The following SHANK1 variants were observed in gnomAD, a reference collection of about 807,000 sequenced individuals.
The protein encoded by SHANK1 is SH3 and multiple ankyrin repeat domains protein 1.
A neutral mutation model predicts 165.6 loss-of-function variants in SHANK1; 35 were observed. The ratio of observed to expected loss-of-function variants is 0.21; its 90% CI spans 0.16 to 0.28. The LOEUF is 0.28. Ranked by LOEUF, SHANK1 falls within the 10% of genes least tolerant of loss-of-function variation. SHANK1 has a pLI of 1.00. For synonymous variants in SHANK1, 1,428 were observed against 1,384.8 expected, an observed-to-expected ratio of 1.03 and a Z score of -0.69; for missense variants, 2,681 against 3,036.4, an observed-to-expected ratio of 0.88 and a Z score of 2.75.
At chr19:50,701,409 T>C (rs1986911781) in intron 12 of SHANK1, among the ~76,000 whole-genome samples, 1 of 151,102 alleles carries the variant, frequency 6.6e-6, no homozygotes. Context: ...GCCAGGCTGG[T>C]CTCAAACTCC....
At chr19:50,711,893 G>A in intron 7 of SHANK1, 54 bp downstream of exon 7, 1 of 1,596,210 alleles carries the variant, frequency 6.3e-7, no homozygotes, top group Admixed American at 1.7e-5. Context: ...CCCCTTGGAT[G>A]CCTCAGGGAC....
At chr19:50,712,689 G>A (rs1363832618) in intron 6 of SHANK1, among the ~76,000 whole-genome samples, 1 of 152,186 alleles carries the variant, frequency 6.6e-6, no homozygotes, top group African/African-American at 2.4e-5. Flanking sequence ...AACATTAATA[G>A]GAGAAAGTCT....
chr19:50,712,712 C>T (rs952274286), intron 6 of SHANK1, among the ~76,000 whole-genome samples: 2 of 152,196 alleles, frequency 1.3e-5, no homozygotes, highest in Admixed American at 6.5e-5. Flanking sequence ...GCAGCAACCT[C>T]GTGTGAGGAC....
At chr19:50,712,722 C>T (rs939718501) in intron 6 of SHANK1, among the ~76,000 whole-genome samples, 31 of 152,196 alleles carry the variant, frequency 2.0e-4, no homozygotes, top group African/African-American at 7.0e-4. Context: ...CGTGTGAGGA[C>T]AGCCTGTAGC....
Position 50,688,141 on chromosome 19 carries a change from T to C in SHANK1, c.2173-83A>G. 6.5e-7 allele frequency: 1 copy of C among 1,531,502 alleles called. No individual in the cohort carries two copies. The highest frequency in any genetic ancestry group is 1.4e-5 in the African/African-American group (1 of 73,650). 94.9% of individuals were successfully genotyped at this position (1,531,502 alleles called of 1,614,324 possible). A position where few individuals can be genotyped will look rare whatever the true frequency, so the allele number is the denominator to read the frequency against. ...CTTCAGAGACCCCAAGGAGGATGCC[T>C]CCTGCGCTGCCCTGTCCATGGCCCT... On this transcript the variant is annotated intron_variant, in intron 17 of 23. Coordinates refer to ENST00000293441, the MANE Select transcript of SHANK1 (RefSeq NM_016148.5). This position sits in a 1 kb window ranked among gnomAD's most constrained non-coding sequence, Gnocchi z 6.7.
At chr19:50,719,203 G>A (rs2089105374) in intron 1 of SHANK1, among the ~76,000 whole-genome samples, 1 of 150,976 alleles carries the variant, frequency 6.6e-6, no homozygotes, top group Admixed American at 6.6e-5. Flanking sequence ...TCAAGGATGC[G>A]ATCTGGGACG....
intron 7 of SHANK1, 116 bp downstream of exon 7, chr19:50,711,831 A>T: frequency 8.5e-7 from 1 of 1,181,926 alleles, no homozygotes; most frequent in Non-Finnish European, 1.2e-6. Context: ...GGACCATGTT[A>T]TTCTCACCCC....
Position 50,704,105 on chromosome 19 carries a change from CT to C in SHANK1, c.1222+14del, listed in dbSNP as rs761848672. 1 of 1,613,556 alleles carries C rather than the reference CT, an allele frequency of 6.2e-7. No homozygotes were observed. Among genetic ancestry groups the C allele is most frequent in the Admixed American group, 1.7e-5 (1 of 59,968 alleles). ...CCCCAGGTTCTCTGTGCAGTCCGAGCTCCCTGTCACTCACCCACATCCTGTT... is the reference window on the plus strand; with the variant it reads ...CCCCAGGTTCTCTGTGCAGTCCGAGCCCCTGTCACTCACCCACATCCTGTT... On this transcript the variant is annotated intron_variant, in intron 10 of 23. Transcript: ENST00000293441.
chr19:50,703,352 A>G lies in SHANK1; in HGVS notation c.1553+148T>C, dbSNP rs531401834. 1.1e-3 allele frequency: 738 copies of G among 659,648 alleles called. 8 individuals carry two copies. In the South Asian group the frequency reaches 0.014, roughly 12 times the overall value. The allele number at this position is 659,648 out of a possible 1,614,324, so 40.9% of individuals were successfully genotyped here. A position where few individuals can be genotyped will look rare whatever the true frequency, so the allele number is the denominator to read the frequency against. On this transcript the variant is annotated intron_variant, in intron 11 of 23. Coordinates refer to ENST00000293441, the MANE Select transcript of SHANK1 (RefSeq NM_016148.5). ...GGGTGGAGTCGGGACAGTAGCTCCC[A>G]AGGCCTTGCTTTACCCCAAGGTGAC...
intron 15 of SHANK1, among the ~76,000 whole-genome samples, chr19:50,694,895 T>C (rs1986681061): frequency 6.7e-6 from 1 of 148,520 alleles, no homozygotes; most frequent in South Asian, 2.1e-4. Flanking sequence ...GGCGGCGCGC[T>C]CCGTTACCTG....
At chr19:50,715,913 C>T (rs2089063839) in intron 3 of SHANK1, among the ~76,000 whole-genome samples, 183 bp from the exon 4 acceptor site, 1 of 152,114 alleles carries the variant, frequency 6.6e-6, no homozygotes, top group Admixed American at 6.5e-5. Flanking sequence ...GCTTTTCCGA[C>T]AGTGCTGGGT....
In SHANK1 at chr19:50,690,395, A is replaced by G. The variant is rs1203086881; in HGVS notation, c.1965-1116T>C. 6.6e-6 allele frequency among the ~76,000 whole-genome samples: 1 copy of G among 152,070 alleles called. No homozygotes were observed. The highest frequency in any genetic ancestry group is 1.5e-5 in the Non-Finnish European group (1 of 68,002). On this transcript the variant is annotated intron_variant, in intron 15 of 23. Transcript: ENST00000293441. The surrounding 1 kb of genome is among the most constrained non-coding windows in gnomAD (Gnocchi z 4.9). ...GAATATACATCCATTCCATTCCCAG[A>G]GGATCCGACACCCCAGTCTACATCA... is the stretch of plus-strand genomic sequence containing the variant.
At chr19:50,689,017 G>A (rs1986454525) in intron 16 of SHANK1, 49 bp from the exon 17 acceptor site, 2 of 1,373,918 alleles carry the variant, frequency 1.5e-6, no homozygotes, top group African/African-American at 2.9e-5. Flanking sequence ...GGGTGGAGAG[G>A]CCGAGCAGGG....
chr19:50,702,476 T>C lies in SHANK1; in HGVS notation c.1738A>G (p.Lys580Glu). 6.2e-7 allele frequency: 1 copy of C among 1,611,572 alleles called. No individual in the cohort carries two copies. Among genetic ancestry groups the C allele is most frequent in the Non-Finnish European group, 8.5e-7 (1 of 1,179,040 alleles). ...CTTCCACCCTGGGTACCTTTGATCT[T>C]CTCGCCCTTGCTCAGGGAGATCTCC... ...EGEISLSKGE[K>E]IKVLSIGEGG... Residue 580 changes from lysine (K) to glutamate (E), a missense_variant, in exon 12 of 24, where the codon AAG (lysine) becomes GAG (glutamate). Physicochemically the swap from Lys to Glu is moderately conservative, Grantham distance 56 (BLOSUM62 1). Around this residue, in one of 10 missense-constraint regions of SHANK1, gnomAD observed 147 missense variants for 256.5 expected, o/e 0.57. Coordinates refer to ENST00000293441, the MANE Select transcript of SHANK1 (RefSeq NM_016148.5). This position sits in a 1 kb window ranked among gnomAD's most constrained non-coding sequence, Gnocchi z 5.3.
At chr19:50,696,816 G>A (rs4801848) in intron 15 of SHANK1, among the ~76,000 whole-genome samples, 109,984 of 152,022 alleles carry the variant, frequency 0.72, 40,255 homozygotes, top group African/African-American at 0.82. Flanking sequence ...GCTTGCCCAC[G>A]GATTCAGAGA....
intron 12 of SHANK1, among the ~76,000 whole-genome samples, chr19:50,701,960 C>T (rs186528803): frequency 3.3e-5 from 5 of 152,308 alleles, no homozygotes; most frequent in Admixed American, 6.5e-5. Context: ...TCTGCCAGCT[C>T]GTCGGGGCCC....
intron 15 of SHANK1, among the ~76,000 whole-genome samples, chr19:50,695,301 GA>G (rs1555743913): frequency 1.4e-5 from 2 of 147,996 alleles, no homozygotes; most frequent in Non-Finnish European, 1.5e-5. Context: ...GTAGCGCGAG[GA>G]CCGCGGACGG....
Position 50,667,541 on chromosome 19 carries a change from T to A in SHANK1, c.4419A>T (p.Val1473=), listed in dbSNP as rs774062506. 8 of 1,482,420 alleles carry A rather than the reference T, an allele frequency of 5.4e-6. No homozygotes were observed. Among genetic ancestry groups the A allele is most frequent in the Admixed American group, 2.5e-5 (1 of 40,112 alleles). The allele number at this position is 1,482,420 out of a possible 1,614,324, so 91.8% of individuals were successfully genotyped here. Residue 1473 remains valine, a synonymous_variant, in exon 23 of 24, where the codon GTA becomes GTT. Coordinates refer to ENST00000293441, the MANE Select transcript of SHANK1 (RefSeq NM_016148.5). This position sits in a 1 kb window ranked among gnomAD's most constrained non-coding sequence, Gnocchi z 5.7. The part of the protein sequence containing the change: ...GTEPPAPHPG[V]SKPWRSAAPE... Reference sequence around the variant, plus strand: ...GGGCTGCGGACCTCCAGGGCTTGCTTACTCCGGGGTGCGGGGCCGGGGGCT... The same window carrying A: ...GGGCTGCGGACCTCCAGGGCTTGCTAACTCCGGGGTGCGGGGCCGGGGGCT...
Position 50,668,588 on chromosome 19 carries a change from G to A in SHANK1, c.3372C>T (p.Gly1124=). 7.4e-7 allele frequency: 1 copy of A among 1,350,252 alleles called. No individual in the cohort carries two copies. Among genetic ancestry groups the A allele is most frequent in the Non-Finnish European group, 9.5e-7 (1 of 1,049,352 alleles). The allele number at this position is 1,350,252 out of a possible 1,614,324, so 83.6% of individuals were successfully genotyped here. A position where few individuals can be genotyped will look rare whatever the true frequency, so the allele number is the denominator to read the frequency against. Residue 1124 remains glycine (G), a synonymous_variant, in exon 23 of 24, where the codon GGC becomes GGT. Transcript: ENST00000293441. ...TGGGCGACGGCGCGGGCGGGAGGCC[G>A]CCGCCCTTCTGGGGCTCGCCTTCCA... ...TKVEGEPQKG[G]GLPPAPSPTS...
Sources: allele counts gnomAD v4.1 joint callset (sites outside exome capture counted in the v4.1 genomes callset), GRCh38; gene constraint gnomAD v4.1.1; regional missense constraint gnomAD v4.1.1; non-coding constraint Gnocchi (gnomAD v3.1); transcripts MANE v1.5; gene names NCBI Gene and HGNC (gene_info 2026-07-23, HGNC 2026-07-21).